Variants in DNAH12 observed in about 807,000 individuals in gnomAD.
DNAH12 encodes axonemal beta dynein heavy chain 12.
Under a neutral mutation model 371.5 loss-of-function variants are expected in DNAH12, and 285 were observed. The observed-to-expected ratio is 0.77, with a 90% CI of 0.70 to 0.85. DNAH12 has a LOEUF of 0.85. Among genes scored for constraint, DNAH12 ranks in the 40% least tolerant of loss-of-function variants. The pLI, the probability that DNAH12 is intolerant of heterozygous loss-of-function variation, is 0.00. For synonymous variants in DNAH12, 1,200 were observed against 1,213.0 expected (o/e 0.99, Z 0.22); for missense variants, 3,611 against 3,689.4 (o/e 0.98, Z 0.55).
intron 17 of DNAH12, among the ~76,000 whole-genome samples, chr3:57,467,238 C>T (rs1466417269): frequency 6.6e-6 from 1 of 152,184 alleles, no homozygotes; most frequent in Admixed American, 6.5e-5. Flanking sequence ...CCTCCCTCAG[C>T]CTCCCAAGTA....
chr3:57,526,834 T>C (rs2068663891), intron 2 of DNAH12, among the ~76,000 whole-genome samples: 1 of 149,410 alleles, frequency 6.7e-6, no homozygotes, highest in East Asian at 2.0e-4. Flanking sequence ...TTTTTTGTTG[T>C]TGTTGTTGTT....
chr3:57,520,195 G>A (rs1465390199), intron 4 of DNAH12, among the ~76,000 whole-genome samples: 1 of 151,138 alleles, frequency 6.6e-6, no homozygotes, highest in Admixed American at 6.6e-5. Flanking sequence ...TCACTGCAAC[G>A]TCTGCCTCCG....
At position 57,323,610 on chromosome 3, in the gene DNAH12, C is replaced by T; in HGVS notation, c.9988G>A (p.Ala3330Thr). Reference protein sequence around the residue: ...RCLRPDKITPAITNYVTDKLG... With the variant: ...RCLRPDKITPTITNYVTDKLG... ...TTGTCAGTTACATAGTTTGTTATAG[C>T]TGGGGTTATCTGTTGAAGAGAAAAG... The change falls in exon 63 of 74, where the codon GCT (alanine) becomes ACT (threonine). Residue 3330 changes from alanine (A) to threonine (T), a missense_variant. Coordinates refer to ENST00000495027, the MANE Select transcript of DNAH12 (RefSeq NM_001366028.2). 1 of 1,540,522 alleles carries T rather than the reference C, an allele frequency of 6.5e-7. No individual in the cohort carries two copies. The highest frequency in any genetic ancestry group is 8.7e-7 in the Non-Finnish European group (1 of 1,143,818).
At chr3:57,484,567 A>T (rs1477138793) in intron 12 of DNAH12, among the ~76,000 whole-genome samples, 11 of 152,172 alleles carry the variant, frequency 7.2e-5, no homozygotes, top group Non-Finnish European at 4.4e-5. Flanking sequence ...TAAATCCGAG[A>T]CCTGAAACCA....
At chr3:57,401,847 T>C (rs782001258) in intron 43 of DNAH12, among the ~76,000 whole-genome samples, 96 of 152,016 alleles carry the variant, frequency 6.3e-4, no homozygotes, top group Non-Finnish European at 9.9e-4. Context: ...CAAAGAATTA[T>C]AGGAGAATGA....
intron 25 of DNAH12, among the ~76,000 whole-genome samples, chr3:57,449,814 A>C (rs570902050): frequency 1.3e-5 from 2 of 152,342 alleles, no homozygotes; most frequent in South Asian, 4.1e-4. Flanking sequence ...GGCGGGCCGA[A>C]GGGCTCCTCA....
At position 57,544,339 on chromosome 3, in the gene DNAH12, A is replaced by G. The variant is rs897432219; in HGVS notation, c.-176T>C. On this transcript the variant is annotated 5_prime_UTR_variant, in exon 1 of 74. Transcript: ENST00000495027. ...CCGGCTCTCAAACGAGTAGCTGGAG[A>G]AGGGCGGTCGCTGACCGGTTGGAAA... 1 of 152,172 alleles carries G rather than the reference A, an allele frequency of 6.6e-6. No individual in the cohort carries two copies. The highest frequency in any genetic ancestry group is 2.4e-5 in the African/African-American group (1 of 41,438). 9.4% of individuals were successfully genotyped at this position (152,172 alleles called of 1,614,324 possible).
intron 60 of DNAH12, among the ~76,000 whole-genome samples, chr3:57,344,716 A>G (rs1553657492): frequency 6.6e-6 from 1 of 152,206 alleles, no homozygotes; most frequent in African/African-American, 2.4e-5. Flanking sequence ...ACATGTTCTC[A>G]CTTATATGCA....
chr3:57,508,224 A>C (rs551913992), intron 7 of DNAH12, among the ~76,000 whole-genome samples, 158 bp downstream of exon 7: 22 of 151,810 alleles, frequency 1.4e-4, no homozygotes, highest in East Asian at 1.2e-3. Context: ...ACCAAAAAAA[A>C]CCCACACAAT....
At chr3:57,519,779 C>T in intron 4 of DNAH12, 1 of 1,558,644 alleles carries the variant, frequency 6.4e-7, no homozygotes, top group Non-Finnish European at 8.8e-7. Context: ...TTACATTCTC[C>T]CAAGACCACA....
upstream of DNAH12, among the ~76,000 whole-genome samples, chr3:57,546,070 T>G (rs112928265): frequency 1.3e-5 from 2 of 152,052 alleles, no homozygotes; most frequent in African/African-American, 2.4e-5. Flanking sequence ...CAGTTCCTGA[T>G]AGGTCCCGAG....
rs574698069 is a variant in DNAH12 at position 57,406,228 on chromosome 3, G to A, written c.6277-276C>T. 3.9e-5 allele frequency among the ~76,000 whole-genome samples: 6 copies of A among 152,088 alleles called. No homozygotes were observed. The East Asian group carries it at 7.8e-4, about 20-fold the overall frequency. Reference sequence around the variant, plus strand: ...TAGCCAGGTGTCATGGCACGTGCCTGTAATCCCAGCTACGCAGGAGGCTGA... The same window carrying A: ...TAGCCAGGTGTCATGGCACGTGCCTATAATCCCAGCTACGCAGGAGGCTGA... On this transcript the variant is annotated intron_variant, in intron 40 of 73. Transcript: ENST00000495027.
intron 66 of DNAH12, among the ~76,000 whole-genome samples, chr3:57,314,112 A>C (rs1449139867): frequency 6.6e-6 from 1 of 152,144 alleles, no homozygotes; most frequent in African/African-American, 2.4e-5. Context: ...TGTAGACTTG[A>C]CCAAGTGGAG....
rs572867019 is a variant in DNAH12, at chr3:57,332,427, A to G, written c.9978+2038T>C. Among the ~76,000 whole-genome samples the G allele has an allele frequency of 2.6e-5, 4 of 152,344 alleles. No individual in the cohort carries two copies. In the East Asian group the frequency reaches 7.7e-4, roughly 29 times the overall value. ...ACAAACAATTTAAAAAACAGGCACA[A>G]TTAATGAAACCACCATTTTTGCACA... is the stretch of plus-strand genomic sequence containing the variant. On this transcript the variant is annotated intron_variant, in intron 62 of 73. Coordinates refer to ENST00000495027, the MANE Select transcript of DNAH12 (RefSeq NM_001366028.2).
chr3:57,299,047 A>G (rs1280590770), intron 70 of DNAH12, among the ~76,000 whole-genome samples: 1 of 152,210 alleles, frequency 6.6e-6, no homozygotes, highest in Non-Finnish European at 1.5e-5. Flanking sequence ...GAAGAGAACA[A>G]ACTGCTGCTG....
intron 60 of DNAH12, among the ~76,000 whole-genome samples, chr3:57,337,449 C>T (rs545245366): frequency 1.3e-5 from 2 of 152,238 alleles, no homozygotes; most frequent in Admixed American, 6.5e-5. Flanking sequence ...CACCTGAGGT[C>T]GGGAGTTCAG....
At chr3:57,515,136 A>T (rs2068145641) in intron 4 of DNAH12, among the ~76,000 whole-genome samples, 1 of 152,124 alleles carries the variant, frequency 6.6e-6, no homozygotes, top group African/African-American at 2.4e-5. Context: ...TTTGAGAGAG[A>T]GAGAGAGAAA....
intron 58 of DNAH12, among the ~76,000 whole-genome samples, chr3:57,361,400 C>CTA (rs1305154719): frequency 2.0e-4 from 28 of 143,030 alleles, no homozygotes; most frequent in African/African-American, 5.4e-4. Context: ...TACATACGCA[C>CTA]TATATATATA....
chr3:57,498,605 T>C, intron 11 of DNAH12: 1 of 713,044 alleles, frequency 1.4e-6, no homozygotes, highest in South Asian at 1.5e-5. Context: ...AGTAACTTTA[T>C]TCATAATAGC....
Sources: allele counts gnomAD v4.1 joint callset (sites outside exome capture counted in the v4.1 genomes callset), GRCh38; gene constraint gnomAD v4.1.1; transcripts MANE v1.5; gene names NCBI Gene and HGNC (gene_info 2026-07-23, HGNC 2026-07-21).